Variants in FBXO4 observed in about 807,000 individuals in gnomAD.
FBXO4 encodes F-box only protein 4.
FBXO4 carries 36 observed loss-of-function variants against 43.7 expected under a neutral mutation model. That is an observed-to-expected ratio of 0.82 (90% CI 0.63 to 1.09). The LOEUF is 1.09. Among genes scored for constraint, FBXO4 ranks in the 50% least tolerant of loss-of-function variants. FBXO4 has a pLI of 0.00. For missense variants in FBXO4, 435 were observed against 474.1 expected, an observed-to-expected ratio of 0.92 and a Z score of 0.77; for synonymous variants, 180 against 165.6, an observed-to-expected ratio of 1.09 and a Z score of -0.67.
chr5:42,034,420 C>T, the FBXO4 span, among the ~76,000 whole-genome samples: 14 of 152,044 alleles, frequency 9.2e-5, no homozygotes, highest in African/African-American at 2.6e-4. Context: ...TTGACATTTT[C>T]GTCATGAAGT....
chr5:41,945,546 C>T (rs1579991209), downstream of FBXO4, among the ~76,000 whole-genome samples: 2 of 152,246 alleles, frequency 1.3e-5, no homozygotes, highest in Middle Eastern at 3.4e-3. Context: ...CAACAGCACG[C>T]GATGTGCTTC....
the FBXO4 span, among the ~76,000 whole-genome samples, chr5:42,037,532 A>C: frequency 2.0e-5 from 3 of 151,936 alleles, no homozygotes; most frequent in African/African-American, 7.2e-5. Context: ...TTGTTCTCTG[A>C]CCCACGTCCT....
chr5:41,927,579 A>G (rs1751547505), intron 2 of FBXO4, among the ~76,000 whole-genome samples: 1 of 152,230 alleles, frequency 6.6e-6, no homozygotes. Context: ...CAGAAAAAGG[A>G]TGATCAGAGA....
the FBXO4 span, among the ~76,000 whole-genome samples, chr5:42,033,603 C>T: frequency 0.016 from 2,442 of 151,690 alleles, 122 homozygotes; most frequent in East Asian, 0.1. Flanking sequence ...GTTCATATGT[C>T]CTCACTTATG....
the FBXO4 span, among the ~76,000 whole-genome samples, chr5:41,946,797 G>T: frequency 6.6e-6 from 1 of 152,036 alleles, no homozygotes; most frequent in Admixed American, 6.6e-5. Flanking sequence ...GTTTTGATCA[G>T]AAGGTTCAAT....
downstream of FBXO4, among the ~76,000 whole-genome samples, chr5:41,945,562 G>T (rs1343134602): frequency 6.6e-6 from 1 of 152,152 alleles, no homozygotes; most frequent in South Asian, 2.1e-4. Flanking sequence ...GCTTCCCCCT[G>T]CAGAGAGCCT....
chr5:41,968,103 G>A, the FBXO4 span: 1 of 342,384 alleles, frequency 2.9e-6, no homozygotes, highest in South Asian at 2.5e-5. Flanking sequence ...TTCTTCCCAA[G>A]AACCCCACTG....
the FBXO4 span, among the ~76,000 whole-genome samples, chr5:41,982,974 T>G: frequency 6.6e-6 from 1 of 152,114 alleles, no homozygotes; most frequent in South Asian, 2.1e-4. Flanking sequence ...TGGTGTTTGG[T>G]TTTCTGTTCT....
At chr5:41,999,069 A>G in the FBXO4 span, among the ~76,000 whole-genome samples, 13 of 140,176 alleles carry the variant, frequency 9.3e-5, no homozygotes, top group African/African-American at 2.9e-4. Context: ...TATGGACCAC[A>G]TATGGTTCAC....
the FBXO4 span, among the ~76,000 whole-genome samples, chr5:42,029,792 T>C: frequency 2.6e-5 from 4 of 152,098 alleles, no homozygotes; most frequent in Non-Finnish European, 5.9e-5. Context: ...CTCCAGAATT[T>C]CTGCTTGATT....
At chr5:41,933,100 A>G (rs1235490912) in intron 3 of FBXO4, among the ~76,000 whole-genome samples, 1 of 152,206 alleles carries the variant, frequency 6.6e-6, no homozygotes, top group African/African-American at 2.4e-5. Flanking sequence ...AAACTGAGGG[A>G]TACAAATACA....
At chr5:41,999,122 C>T in the FBXO4 span, among the ~76,000 whole-genome samples, 5 of 151,214 alleles carry the variant, frequency 3.3e-5, no homozygotes, top group Admixed American at 2.0e-4. Flanking sequence ...AAACTCCTTG[C>T]CTCTCACAGG....
intron 2 of FBXO4, among the ~76,000 whole-genome samples, chr5:41,929,417 A>G (rs535747225): frequency 6.6e-6 from 1 of 152,330 alleles, no homozygotes; most frequent in Non-Finnish European, 1.5e-5. Flanking sequence ...GTTCCATGAG[A>G]GAATCTAAAT....
chr5:42,005,290 T>C, the FBXO4 span, among the ~76,000 whole-genome samples: 1 of 152,160 alleles, frequency 6.6e-6, no homozygotes, highest in Non-Finnish European at 1.5e-5. Context: ...AATTATAAAC[T>C]TTATTTGCTT....
At chr5:41,971,207 TGTG>T in the FBXO4 span, among the ~76,000 whole-genome samples, 1 of 70,696 alleles carries the variant, frequency 1.4e-5, no homozygotes, top group African/African-American at 1.1e-4. Context: ...TAGAGAGAGG[TGTG>T]TGTGTGTGTG....
the FBXO4 span, among the ~76,000 whole-genome samples, chr5:41,986,855 A>G: frequency 6.6e-6 from 1 of 152,312 alleles, no homozygotes; most frequent in South Asian, 2.1e-4. Flanking sequence ...TTTTAGGTGG[A>G]TAAAACAACA....
the FBXO4 span, among the ~76,000 whole-genome samples, chr5:42,023,503 T>C: frequency 1.1e-4 from 17 of 152,212 alleles, no homozygotes; most frequent in African/African-American, 2.9e-4. Context: ...ACATGGTCTA[T>C]AATAAGCCAG....
the FBXO4 span, among the ~76,000 whole-genome samples, chr5:42,031,944 C>T: frequency 6.6e-6 from 1 of 152,032 alleles, no homozygotes; most frequent in African/African-American, 2.4e-5. Flanking sequence ...GAGGTACCAC[C>T]TTGGAAAAGA....
chr5:41,925,875 C>T (rs997663453), intron 1 of FBXO4, among the ~76,000 whole-genome samples: 4 of 152,200 alleles, frequency 2.6e-5, no homozygotes, highest in African/African-American at 9.6e-5. Context: ...ATTCCAGCGT[C>T]CCTGTTCCCA....
Sources: gnomAD v4.1 joint callset for allele counts (sites outside exome capture counted in the v4.1 genomes callset) on GRCh38, gnomAD v4.1.1 for gene constraint, MANE v1.5 for transcripts, NCBI Gene and HGNC (gene_info 2026-07-23, HGNC 2026-07-21) for gene names.